PDE7B: variants seen among roughly 807,000 people sequenced by gnomAD.
PDE7B encodes 3',5'-cyclic-AMP phosphodiesterase 7B.
A neutral mutation model predicts 56.2 loss-of-function variants in PDE7B; 29 were observed. The observed-to-expected ratio is 0.52, with a 90% CI of 0.38 to 0.70. The LOEUF (loss-of-function observed/expected upper bound fraction) is 0.70. Among genes scored for constraint, PDE7B ranks in the 30% least tolerant of loss-of-function variants. The pLI, the probability that PDE7B is intolerant of heterozygous loss-of-function variation, is 0.00. For synonymous variants in PDE7B, 197 were observed against 196.9 expected (o/e 1.00, Z 0.00); for missense variants, 490 against 565.0 (o/e 0.87, Z 1.35).
In PDE7B at chr6:135,972,267, A is replaced by T. The variant is rs530174215; in HGVS notation, c.82+24743A>T. 3.1e-3 allele frequency among the ~76,000 whole-genome samples: 466 copies of T among 151,384 alleles called. 1 individual carries two copies. The highest frequency in any genetic ancestry group is 0.011 in the African/African-American group (446 of 41,108). On this transcript the variant is annotated intron_variant, in intron 2 of 12. Coordinates refer to ENST00000308191, the MANE Select transcript of PDE7B (RefSeq NM_018945.4). Reference sequence around the variant, plus strand: ...AAAAAAAAAAAAAAAAAAAACCCAAAAAACAGGGATGTGTCTGCTCCAGAC... The same window carrying T: ...AAAAAAAAAAAAAAAAAAAACCCAATAAACAGGGATGTGTCTGCTCCAGAC...
At chr6:135,955,114 C>A (rs1351395674) in intron 2 of PDE7B, among the ~76,000 whole-genome samples, 1 of 152,080 alleles carries the variant, frequency 6.6e-6, no homozygotes, top group African/African-American at 2.4e-5. Flanking sequence ...AAAACATGTT[C>A]AATCAACAAA....
intron 2 of PDE7B, among the ~76,000 whole-genome samples, chr6:135,982,406 C>T (rs1177577148): frequency 6.6e-6 from 1 of 152,116 alleles, no homozygotes; most frequent in East Asian, 1.9e-4. Context: ...CTCTCTCTCT[C>T]TTTCTGCTAC....
At chr6:136,083,394 T>C (rs548264587) in intron 2 of PDE7B, among the ~76,000 whole-genome samples, 32 of 152,324 alleles carry the variant, frequency 2.1e-4, no homozygotes, top group Admixed American at 7.2e-4. Flanking sequence ...ACTACTTGCA[T>C]CTATGCCCAC....
intron 2 of PDE7B, among the ~76,000 whole-genome samples, chr6:135,970,409 A>G (rs1195583272): frequency 1.3e-5 from 2 of 149,298 alleles, no homozygotes; most frequent in Non-Finnish European, 3.0e-5. Flanking sequence ...GTAGGAGGAG[A>G]TGAGTTCAAA....
At chr6:135,997,319 G>A (rs1000749141) in intron 2 of PDE7B, among the ~76,000 whole-genome samples, 1 of 149,396 alleles carries the variant, frequency 6.7e-6, no homozygotes, top group African/African-American at 2.5e-5. Flanking sequence ...GAGGCTGAGT[G>A]GGGAGGATAG....
In PDE7B at chr6:136,014,648, G is replaced by C. The variant is rs78135343; in HGVS notation, c.82+67124G>C. 1.2e-3 allele frequency among the ~76,000 whole-genome samples: 184 copies of C among 152,250 alleles called. 6 individuals carry two copies. The East Asian group carries it at 0.033, about 27-fold the overall frequency. On this transcript the variant is annotated intron_variant, in intron 2 of 12. Coordinates refer to ENST00000308191, the MANE Select transcript of PDE7B (RefSeq NM_018945.4). ...GTATTATTATCCCTATATTGCAGAG[G>C]GGGCAGCCAAAGCAGACAGCAGTTG...
intron 3 of PDE7B, among the ~76,000 whole-genome samples, chr6:136,137,927 T>C (rs1778243949): frequency 6.6e-6 from 1 of 151,996 alleles, no homozygotes; most frequent in South Asian, 2.1e-4. Context: ...GAAAAGAAAA[T>C]GAATTTCACA....
At chr6:135,915,909 C>T (rs983366046) in intron 1 of PDE7B, among the ~76,000 whole-genome samples, 1 of 152,210 alleles carries the variant, frequency 6.6e-6, no homozygotes, top group Non-Finnish European at 1.5e-5. Flanking sequence ...TGCTAAGGAG[C>T]TTCCCTTTGG....
chr6:136,036,285 G>A (rs765677880), intron 2 of PDE7B, among the ~76,000 whole-genome samples: 17 of 152,150 alleles, frequency 1.1e-4, no homozygotes, highest in Non-Finnish European at 1.6e-4. Context: ...CAAGTAGACC[G>A]CTGATTATTC....
intron 1 of PDE7B, among the ~76,000 whole-genome samples, chr6:135,907,124 C>T (rs531373227): frequency 3.9e-4 from 60 of 152,254 alleles, no homozygotes; most frequent in Non-Finnish European, 2.9e-4. Context: ...CTGCTCAGCT[C>T]TCATTTGGCC....
intron 1 of PDE7B, among the ~76,000 whole-genome samples, chr6:135,915,684 T>C (rs1197435001): frequency 6.6e-6 from 1 of 152,132 alleles, no homozygotes; most frequent in Non-Finnish European, 1.5e-5. Flanking sequence ...CCCCCGGAAA[T>C]CGCTCTATGC....
At chr6:136,002,636 A>C (rs1053361454) in intron 2 of PDE7B, among the ~76,000 whole-genome samples, 1 of 152,242 alleles carries the variant, frequency 6.6e-6, no homozygotes, top group Non-Finnish European at 1.5e-5. Context: ...GGATCAATTC[A>C]ACAAGAAGAG....
At chr6:136,000,100 G>A (rs1775638323) in intron 2 of PDE7B, among the ~76,000 whole-genome samples, 1 of 152,006 alleles carries the variant, frequency 6.6e-6, no homozygotes, top group Admixed American at 6.6e-5. Flanking sequence ...GTTTGTTGTT[G>A]TTTATTTTCT....
chr6:135,999,150 G>A (rs532215172), intron 2 of PDE7B, among the ~76,000 whole-genome samples: 4 of 152,222 alleles, frequency 2.6e-5, no homozygotes, highest in African/African-American at 9.6e-5. Flanking sequence ...GTTTGGGAAG[G>A]ACATAGATAT....
At chr6:135,888,156 C>T (rs1335432364) in intron 1 of PDE7B, among the ~76,000 whole-genome samples, 2 of 152,092 alleles carry the variant, frequency 1.3e-5, no homozygotes, top group Non-Finnish European at 2.9e-5. Flanking sequence ...CCTCTATGAC[C>T]TCAGTGAGTT....
chr6:135,910,800 C>T (rs1776199093), intron 1 of PDE7B, among the ~76,000 whole-genome samples: 1 of 152,154 alleles, frequency 6.6e-6, no homozygotes, highest in South Asian at 2.1e-4. Context: ...GCATCTAACC[C>T]CTGGCAATTT....
At chr6:136,098,744 C>T (rs371765283) in intron 2 of PDE7B, among the ~76,000 whole-genome samples, 5 of 151,708 alleles carry the variant, frequency 3.3e-5, no homozygotes, top group Admixed American at 2.0e-4. Flanking sequence ...ATCTTATGAA[C>T]CTTTGCATTT....
At chr6:136,076,621 T>A (rs994613751) in intron 2 of PDE7B, among the ~76,000 whole-genome samples, 3 of 152,148 alleles carry the variant, frequency 2.0e-5, no homozygotes, top group Admixed American at 6.5e-5. Context: ...TGAGTTGCAG[T>A]TAGACGCCCA....
chr6:135,865,116 A>C (rs1332020844), intron 1 of PDE7B, among the ~76,000 whole-genome samples: 1 of 151,962 alleles, frequency 6.6e-6, no homozygotes, highest in South Asian at 2.1e-4. Context: ...ACACCATGGA[A>C]TACTATGCAG....
Sources: gnomAD v4.1 joint callset for allele counts (sites outside exome capture counted in the v4.1 genomes callset) on GRCh38, gnomAD v4.1.1 for gene constraint, MANE v1.5 for transcripts, NCBI Gene and HGNC (gene_info 2026-07-23, HGNC 2026-07-21) for gene names.